The following SLC47A2 variants were observed in gnomAD, a reference collection of about 807,000 sequenced individuals.
SLC47A2 encodes the protein solute carrier family 47 member 2.
In SLC47A2, 52 loss-of-function variants were observed where a neutral mutation model predicts 67.7. The ratio of observed to expected loss-of-function variants is 0.77; its 90% CI spans 0.61 to 0.97. The LOEUF (loss-of-function observed/expected upper bound fraction) is 0.97, where lower values mean the gene tolerates loss of function less well. Among genes scored for constraint, SLC47A2 ranks in the 50% least tolerant of loss-of-function variants. The pLI is 0.00. For missense variants in SLC47A2, 676 were observed against 712.3 expected, an observed-to-expected ratio of 0.95 and a Z score of 0.58; for synonymous variants, 278 against 292.9, an observed-to-expected ratio of 0.95 and a Z score of 0.52.
chr17:19,715,248 G>A, intron 1 of SLC47A2, 31 bp from the exon 2 acceptor site: 2 of 1,586,026 alleles, frequency 1.3e-6, no homozygotes, highest in Non-Finnish European at 1.7e-6. Flanking sequence ...CAGACTCGGG[G>A]CCACAGGTGC....
intron 13 of SLC47A2, among the ~76,000 whole-genome samples, chr17:19,695,788 A>G (rs1330443876): frequency 6.6e-6 from 1 of 151,722 alleles, no homozygotes; most frequent in Non-Finnish European, 1.5e-5. Context: ...TAATGGCACA[A>G]CCTTGGCTCA....
chr17:19,709,116 C>T (rs373904404), intron 5 of SLC47A2, among the ~76,000 whole-genome samples: 2 of 152,244 alleles, frequency 1.3e-5, no homozygotes, highest in African/African-American at 4.8e-5. Context: ...GAGAAGTGAC[C>T]CAAGGACCTG....
chr17:19,691,293 C>T (rs1161076008), intron 13 of SLC47A2, among the ~76,000 whole-genome samples: 1 of 152,160 alleles, frequency 6.6e-6, no homozygotes, highest in African/African-American at 2.4e-5. Context: ...GAAGAGATAC[C>T]TGCACTCCCA....
intron 13 of SLC47A2, among the ~76,000 whole-genome samples, chr17:19,693,590 G>A (rs549628827): frequency 1.3e-5 from 2 of 149,820 alleles, no homozygotes; most frequent in Admixed American, 1.4e-4. Flanking sequence ...CTGGCCAATG[G>A]TGAAACCCCG....
At chr17:19,695,013 G>A (rs1304958781) in intron 13 of SLC47A2, among the ~76,000 whole-genome samples, 1 of 151,840 alleles carries the variant, frequency 6.6e-6, no homozygotes, top group Non-Finnish European at 1.5e-5. Context: ...GTGACCTTGG[G>A]TTAGGCAGAG....
At chr17:19,718,325 G>T (rs1172607075), upstream of SLC47A2, 1 of 152,272 alleles carries the variant, frequency 6.6e-6, no homozygotes, top group Admixed American at 6.5e-5. Flanking sequence ...GGGTGTTCAG[G>T]GAGCCCACAC....
At chr17:19,681,305 C>A in intron 15 of SLC47A2, 62 bp downstream of exon 15, 1 of 1,390,854 alleles carries the variant, frequency 7.2e-7, no homozygotes, top group South Asian at 1.4e-5. Flanking sequence ...GCTGAGTAGT[C>A]ACTCCACCTG....
rs1306077047 is a variant in SLC47A2 at position 19,708,488 on chromosome 17, T to C, written c.532-89A>G. 1.9e-6 allele frequency: 3 copies of C among 1,613,928 alleles called. No individual in the cohort carries two copies. The East Asian group carries it at 6.7e-5, about 36-fold the overall frequency. ...CGGGGTTTGGAATGGGGACTCCTCCTCCTGCCCCTTCAGCCATCCCTGTTG... is the reference window on the plus strand; with the variant it reads ...CGGGGTTTGGAATGGGGACTCCTCCCCCTGCCCCTTCAGCCATCCCTGTTG... On this transcript the variant is annotated intron_variant, in intron 6 of 16. Coordinates refer to ENST00000433844, the MANE Select transcript of SLC47A2 (RefSeq NM_001099646.3).
At chr17:19,686,844 T>C (rs1303457061) in intron 13 of SLC47A2, among the ~76,000 whole-genome samples, 3 of 152,144 alleles carry the variant, frequency 2.0e-5, no homozygotes, top group Non-Finnish European at 2.9e-5. Flanking sequence ...AATACAATAA[T>C]AGCTAGAGAT....
chr17:19,688,948 C>T (rs2085484051), intron 13 of SLC47A2, among the ~76,000 whole-genome samples: 1 of 151,962 alleles, frequency 6.6e-6, no homozygotes, highest in Admixed American at 6.6e-5. Flanking sequence ...TTACTGCAGC[C>T]TTGACCTCTT....
At chr17:19,688,413 C>T (rs955901662) in intron 13 of SLC47A2, among the ~76,000 whole-genome samples, 22 of 151,796 alleles carry the variant, frequency 1.4e-4, no homozygotes, top group Admixed American at 1.0e-3. Flanking sequence ...TCATACCAAA[C>T]GGGAGAATTG....
At position 19,681,451 on chromosome 17, in the gene SLC47A2, C is replaced by T. The variant is rs753094896; in HGVS notation, c.1308G>A (p.Leu436=). 6.2e-7 allele frequency: 1 copy of T among 1,613,970 alleles called. No individual in the cohort carries two copies. Among genetic ancestry groups the T allele is most frequent in the Non-Finnish European group, 8.5e-7 (1 of 1,179,964 alleles). The change falls in exon 15 of 17, where the codon CTG becomes CTA. Residue 436 remains leucine (L), a synonymous_variant. Coordinates refer to ENST00000433844, the MANE Select transcript of SLC47A2 (RefSeq NM_001099646.3). ...VVRMRIMGLW[L]GMLACVFLAT... is the part of the protein sequence containing the mutation. ...CCAGGAAGACACAGGCCAGCATGCC[C>T]AGCCAGAGGCCTGGAGGAGACAAGT...
chr17:19,716,566 G>A lies in SLC47A2; in HGVS notation c.-11C>T, dbSNP rs1432595934. On this transcript the variant is annotated 5_prime_UTR_variant, in exon 1 of 17. Coordinates refer to ENST00000433844, the MANE Select transcript of SLC47A2 (RefSeq NM_001099646.3). ...CTGGAGGCTGTCCATTCCTGGCCGG[G>A]GCACTGGCTACCCTGCACGCCTGAG... 1.9e-6 allele frequency: 3 copies of A among 1,594,780 alleles called. No individual in the cohort carries two copies. In the South Asian group the frequency reaches 3.4e-5, roughly 18 times the overall value.
intron 13 of SLC47A2, among the ~76,000 whole-genome samples, chr17:19,693,641 A>C (rs2085593725): frequency 6.7e-6 from 1 of 148,424 alleles, no homozygotes; most frequent in Non-Finnish European, 1.5e-5. Flanking sequence ...ATAATAAATA[A>C]ATAAAAATTA....
chr17:19,681,664 A>G lies in SLC47A2; in HGVS notation c.1171T>C (p.Tyr391His), dbSNP rs751378851. The change falls in exon 14 of 17, where the codon TAT becomes CAT. Residue 391 changes from tyrosine to histidine, a missense_variant. Tyr to His is a moderately conservative substitution (Grantham distance 83). Transcript: ENST00000433844. ...CCAGTTCCTCTCAGAACTCCGCCAT[A>G]GACACACTAGGAGGGGAGACAGAAA... is the stretch of plus-strand genomic sequence containing the variant. ...FHVFEAICCV[Y>H]GGVLRGTGKQ... 7 of 1,612,096 alleles carry G rather than the reference A, an allele frequency of 4.3e-6. No individual in the cohort carries two copies. In the South Asian group the frequency reaches 7.7e-5, roughly 18 times the overall value.
intron 13 of SLC47A2, among the ~76,000 whole-genome samples, chr17:19,696,966 C>T (rs988595942): frequency 2.6e-5 from 4 of 152,054 alleles, no homozygotes; most frequent in Admixed American, 6.6e-5. Flanking sequence ...TGTCAGGAAC[C>T]GACTCTTGAA....
In SLC47A2 at chr17:19,681,615, A is replaced by C; in HGVS notation, c.1220T>G (p.Val407Gly). 1 of 1,614,196 alleles carries C rather than the reference A, an allele frequency of 6.2e-7. No homozygotes were observed. The highest frequency in any genetic ancestry group is 8.5e-7 in the Non-Finnish European group (1 of 1,180,032). Residue 407 changes from valine to glycine, a missense_variant, in exon 14 of 17, where the codon GTG becomes GGG. Coordinates refer to ENST00000433844, the MANE Select transcript of SLC47A2 (RefSeq NM_001099646.3). The part of the protein sequence containing the change: ...GTGKQAFGAA[V>G]NAITYYIIGL... ...GATGATGTAATATGTGATGGCATTCACAGCGGCACCAAAGGCCTGCTTCCC... is the reference window on the plus strand; with the variant it reads ...GATGATGTAATATGTGATGGCATTCCCAGCGGCACCAAAGGCCTGCTTCCC...
At chr17:19,715,395 C>A (rs895156706) in intron 1 of SLC47A2, among the ~76,000 whole-genome samples, 178 bp from the exon 2 acceptor site, 4 of 152,174 alleles carry the variant, frequency 2.6e-5, no homozygotes, top group Admixed American at 1.3e-4. Context: ...CTGCGTTCTG[C>A]AGCTGCAGTC....
chr17:19,708,171 C>T lies in SLC47A2; in HGVS notation c.629+131G>A, dbSNP rs1006583417. On this transcript the variant is annotated intron_variant, in intron 7 of 16. Coordinates refer to ENST00000433844, the MANE Select transcript of SLC47A2 (RefSeq NM_001099646.3). ...TCCCCAAGGGACCATCAGGCCCCTC[C>T]AACTCCCCATAACCCTCCACTTCAG... The T allele has an allele frequency of 2.9e-6, 3 of 1,040,116 alleles. No homozygotes were observed. The South Asian group carries it at 4.8e-5, about 16-fold the overall frequency. 64.4% of individuals were successfully genotyped at this position (1,040,116 alleles called of 1,614,324 possible).
Sources: allele counts gnomAD v4.1 joint callset (sites outside exome capture counted in the v4.1 genomes callset), GRCh38; gene constraint gnomAD v4.1.1; transcripts MANE v1.5; gene names NCBI Gene and HGNC (gene_info 2026-07-23, HGNC 2026-07-21).